The following ANTXR1 variants were observed in gnomAD, a reference collection of about 807,000 sequenced individuals.
ANTXR1 encodes the protein anthrax toxin receptor 1.
Under a neutral mutation model 78.1 loss-of-function variants are expected in ANTXR1, and 19 were observed. That is an observed-to-expected ratio of 0.24 (90% CI 0.17 to 0.36). The LOEUF (loss-of-function observed/expected upper bound fraction) is 0.36. Ranked by LOEUF, ANTXR1 falls within the 10% of genes least tolerant of loss-of-function variation. The pLI is 1.00. For synonymous variants in ANTXR1, 273 were observed against 260.5 expected, an observed-to-expected ratio of 1.05 and a Z score of -0.46; for missense variants, 518 against 718.6, an observed-to-expected ratio of 0.72 and a Z score of 3.19.
At chr2:69,205,448 C>T (rs1035796131) in intron 17 of ANTXR1, among the ~76,000 whole-genome samples, 3 of 152,188 alleles carry the variant, frequency 2.0e-5, no homozygotes, top group East Asian at 1.9e-4. Flanking sequence ...AGCCCAAGAC[C>T]TTCTCCCAGT....
chr2:69,124,691 C>T, intron 12 of ANTXR1, 48 bp downstream of exon 12: 2 of 1,592,582 alleles, frequency 1.3e-6, no homozygotes, highest in Non-Finnish European at 1.7e-6. Flanking sequence ...ATCATTGTCA[C>T]TATCAACGTT....
chr2:69,222,010 C>T lies in ANTXR1; in HGVS notation c.1435-23215C>T, dbSNP rs1392091265. On this transcript the variant is annotated intron_variant, in intron 17 of 17. Coordinates refer to ENST00000303714, the MANE Select transcript of ANTXR1 (RefSeq NM_032208.3). ...GGAAAAATGTTCCAGCCCATTAATT[C>T]AAAGCCTGAGTGAGGAGGTGTGAGT... Among the ~76,000 whole-genome samples the T allele has an allele frequency of 2.0e-5, 3 of 152,192 alleles. No individual in the cohort carries two copies. In the South Asian group the frequency reaches 6.2e-4, roughly 32 times the overall value.
intron 9 of ANTXR1, among the ~76,000 whole-genome samples, chr2:69,094,127 G>C (rs199885532): frequency 1.3e-5 from 2 of 152,206 alleles, no homozygotes; most frequent in East Asian, 3.9e-4. Context: ...CCATTTCATT[G>C]TCCGGATGCC....
At chr2:69,046,843 G>A (rs915696908) in intron 3 of ANTXR1, among the ~76,000 whole-genome samples, 2 of 151,914 alleles carry the variant, frequency 1.3e-5, no homozygotes, top group African/African-American at 4.8e-5. Flanking sequence ...AACAGTAAAG[G>A]GTCCATTAAG....
Position 69,087,721 on chromosome 2 carries a change from G to A in ANTXR1, c.643-3138G>A, listed in dbSNP as rs1260591749. 3.9e-5 allele frequency among the ~76,000 whole-genome samples: 6 copies of A among 152,030 alleles called. No individual in the cohort carries two copies. The South Asian group carries it at 6.3e-4, about 16-fold the overall frequency. On this transcript the variant is annotated intron_variant, in intron 8 of 17. Coordinates refer to ENST00000303714, the MANE Select transcript of ANTXR1 (RefSeq NM_032208.3). ...CTGCATCTAGTGATTTCCCATCAGC[G>A]ATTCCCCAGTGCTGTGTCTACACCT...
At chr2:69,218,411 TA>T (rs1359646719) in intron 17 of ANTXR1, among the ~76,000 whole-genome samples, 1 of 152,154 alleles carries the variant, frequency 6.6e-6, no homozygotes, top group Non-Finnish European at 1.5e-5. Flanking sequence ...GACAAGTCAG[TA>T]GGGAGATTTC....
chr2:69,172,087 T>C (rs1674002707), intron 14 of ANTXR1, among the ~76,000 whole-genome samples: 1 of 152,242 alleles, frequency 6.6e-6, no homozygotes. Flanking sequence ...GCTGGACAGA[T>C]GACTAGTACA....
At chr2:69,082,296 C>G (rs1246394339) in intron 8 of ANTXR1, among the ~76,000 whole-genome samples, 1 of 152,202 alleles carries the variant, frequency 6.6e-6, no homozygotes, top group Non-Finnish European at 1.5e-5. Flanking sequence ...AACATCTCCC[C>G]TTCCACACTT....
At chr2:69,147,771 T>TA (rs1673269412) in intron 12 of ANTXR1, among the ~76,000 whole-genome samples, 1 of 152,308 alleles carries the variant, frequency 6.6e-6, no homozygotes, top group African/African-American at 2.4e-5. Flanking sequence ...CTGTGGGTGG[T>TA]ATGTGGAGGT....
intron 8 of ANTXR1, among the ~76,000 whole-genome samples, chr2:69,082,491 C>T (rs183799330): frequency 1.1e-4 from 17 of 152,226 alleles, no homozygotes; most frequent in African/African-American, 3.4e-4. Flanking sequence ...GAATTTCCAC[C>T]GACCACAACT....
intron 3 of ANTXR1, among the ~76,000 whole-genome samples, chr2:69,069,145 C>CCA (rs1670492508): frequency 6.6e-6 from 1 of 152,178 alleles, no homozygotes; most frequent in South Asian, 2.1e-4. Context: ...GTCTGGCAAG[C>CCA]CACCCTCACC....
At chr2:69,151,170 C>T (rs1673381686) in intron 12 of ANTXR1, among the ~76,000 whole-genome samples, 1 of 143,340 alleles carries the variant, frequency 7.0e-6, no homozygotes, top group African/African-American at 2.6e-5. Context: ...TCTGTACAAA[C>T]ATATCTGATT....
intron 12 of ANTXR1, among the ~76,000 whole-genome samples, chr2:69,144,496 G>A (rs570581213): frequency 1.4e-4 from 22 of 152,296 alleles, no homozygotes; most frequent in African/African-American, 5.1e-4. Context: ...AGAGAAAGGG[G>A]GAGAGAGAGT....
At chr2:69,065,262 A>T (rs1670364444) in intron 3 of ANTXR1, among the ~76,000 whole-genome samples, 1 of 151,954 alleles carries the variant, frequency 6.6e-6, no homozygotes, top group Non-Finnish European at 1.5e-5. Context: ...CATCTCTACT[A>T]AAAATACAAA....
intron 8 of ANTXR1, among the ~76,000 whole-genome samples, chr2:69,087,353 C>A (rs1395012422): frequency 6.6e-6 from 1 of 152,286 alleles, no homozygotes; most frequent in Admixed American, 6.5e-5. Context: ...CTATTGTTAT[C>A]CCACTTTTAT....
intron 1 of ANTXR1, among the ~76,000 whole-genome samples, chr2:69,028,322 A>T (rs1671421032): frequency 6.6e-6 from 1 of 152,188 alleles, no homozygotes; most frequent in African/African-American, 2.4e-5. Context: ...AAAAGACAAA[A>T]GAAGAACTTT....
chr2:69,067,720 C>A (rs1419725059), intron 3 of ANTXR1, among the ~76,000 whole-genome samples: 1 of 152,124 alleles, frequency 6.6e-6, no homozygotes, highest in Non-Finnish European at 1.5e-5. Flanking sequence ...CCGTCATGTC[C>A]CCTTGCCACT....
chr2:69,076,822 A>C (rs1029430692), intron 7 of ANTXR1, among the ~76,000 whole-genome samples: 3 of 152,240 alleles, frequency 2.0e-5, no homozygotes, highest in Non-Finnish European at 4.4e-5. Context: ...ACTCTGTGGC[A>C]GTCACAGAAC....
intron 17 of ANTXR1, among the ~76,000 whole-genome samples, chr2:69,216,464 T>C (rs958568932): frequency 5.3e-5 from 8 of 152,094 alleles, no homozygotes; most frequent in Admixed American, 3.3e-4. Flanking sequence ...CACACATATA[T>C]ACATGCATGC....
Sources: allele counts gnomAD v4.1 joint callset (sites outside exome capture counted in the v4.1 genomes callset), GRCh38; gene constraint gnomAD v4.1.1; transcripts MANE v1.5; gene names NCBI Gene and HGNC (gene_info 2026-07-23, HGNC 2026-07-21).